The following TMBIM1 variants were observed in gnomAD, a reference collection of about 807,000 sequenced individuals.
The protein encoded by TMBIM1 is transmembrane BAX inhibitor motif containing 1.
TMBIM1 carries 34 observed loss-of-function variants against 45.1 expected under a neutral mutation model. That is an observed-to-expected ratio of 0.75 (90% CI 0.57 to 1.00). The LOEUF is 1.00. Among genes scored for constraint, TMBIM1 ranks in the 50% least tolerant of loss-of-function variants. The pLI is 0.00. For synonymous variants in TMBIM1, 157 were observed against 153.5 expected (o/e 1.02, Z -0.17); for missense variants, 374 against 402.4 (o/e 0.93, Z 0.60).
intron 1 of TMBIM1, among the ~76,000 whole-genome samples, chr2:218,287,790 G>T (rs960692731): frequency 1.3e-5 from 2 of 152,110 alleles, no homozygotes; most frequent in Admixed American, 6.5e-5. Context: ...AGCCAGGGTG[G>T]CCTCTCTCTG....
chr2:218,278,511 T>C lies in TMBIM1; in HGVS notation c.473+4A>G. ...TCTCACTGTGTTAAGTCTCTGGGAC[T>C]CACCTGGGTCCCTGGCAGCAGGCAA... On this transcript the variant is annotated splice_donor_region_variant and intron_variant, in intron 6 of 11. Transcript: ENST00000258412. The C allele has an allele frequency of 3.7e-6, 6 of 1,614,026 alleles. No homozygotes were observed. Among genetic ancestry groups the C allele is most frequent in the Non-Finnish European group, 5.1e-6 (6 of 1,179,902 alleles).
At chr2:218,282,239 C>T (rs1692098152) in intron 1 of TMBIM1, 58 bp from the exon 2 acceptor site, 3 of 1,018,384 alleles carry the variant, frequency 2.9e-6, no homozygotes, top group Admixed American at 3.8e-5. Flanking sequence ...CACTCAGCCT[C>T]ATGGGCCCAC....
chr2:218,275,451 C>G lies in TMBIM1; in HGVS notation c.*24G>C, dbSNP rs376693165. On this transcript the variant is annotated 3_prime_UTR_variant, in exon 12 of 12. Transcript: ENST00000258412. ...TAGCTTGGAAGGGAGAGCCCAGGATCGGGTGAAAATGGGGGCTTGCTCCTT... is the reference window on the plus strand; with the variant it reads ...TAGCTTGGAAGGGAGAGCCCAGGATGGGGTGAAAATGGGGGCTTGCTCCTT... 1.2e-6 allele frequency: 2 copies of G among 1,604,454 alleles called. No individual in the cohort carries two copies. Among genetic ancestry groups the G allele is most frequent in the African/African-American group, 1.3e-5 (1 of 74,862 alleles).
At chr2:218,277,490 A>C in intron 8 of TMBIM1, 37 bp from the exon 9 acceptor site, 1 of 1,611,652 alleles carries the variant, frequency 6.2e-7, no homozygotes, top group Non-Finnish European at 8.5e-7. Flanking sequence ...AGAGGCATTA[A>C]GCCACGTATG....
chr2:218,280,141 C>T lies in TMBIM1; in HGVS notation c.203-15G>A, dbSNP rs1691732833. ...ATGGCCTGGGCCTAGGGACAGATGA[C>T]ACTTGACTCAGCTGGGGACCTGAGA... On this transcript the variant is annotated splice_polypyrimidine_tract_variant and intron_variant, in intron 2 of 11. Transcript: ENST00000258412. 6.3e-7 allele frequency: 1 copy of T among 1,592,304 alleles called. No individual in the cohort carries two copies. Among genetic ancestry groups the T allele is most frequent in the African/African-American group, 1.3e-5 (1 of 74,502 alleles).
intron 1 of TMBIM1, among the ~76,000 whole-genome samples, chr2:218,283,841 G>A (rs568454635): frequency 1.5e-4 from 23 of 152,104 alleles, no homozygotes; most frequent in Non-Finnish European, 2.8e-4. Context: ...TAGAGGGGCT[G>A]GGATAGAACC....
At chr2:218,278,854 G>C (rs956851784) in intron 5 of TMBIM1, among the ~76,000 whole-genome samples, 184 bp downstream of exon 5, 1 of 152,196 alleles carries the variant, frequency 6.6e-6, no homozygotes, top group African/African-American at 2.4e-5. Context: ...TCTTGCTCTC[G>C]AGTTCTAGGG....
chr2:218,284,889 G>A (rs1394912997), intron 1 of TMBIM1, among the ~76,000 whole-genome samples: 5 of 152,176 alleles, frequency 3.3e-5, no homozygotes, highest in Non-Finnish European at 7.3e-5. Context: ...TCAGGAGTTC[G>A]AGACCAGCCT....
rs559333749 is a variant in TMBIM1, at chr2:218,275,232, C to T, written c.*243G>A. 3.2e-5 allele frequency: 13 copies of T among 405,700 alleles called. No individual in the cohort carries two copies. The highest frequency in any genetic ancestry group is 1.6e-4 in the African/African-American group (8 of 48,748). The allele number at this position is 405,700 out of a possible 1,614,324, so 25.1% of individuals were successfully genotyped here. ...TACAGTAGGTGGCGGGGAGAAGACA[C>T]ATCTTCAGCCTAGTCCCTGCCAAGC... is the stretch of plus-strand genomic sequence containing the variant. On this transcript the variant is annotated 3_prime_UTR_variant, in exon 12 of 12. Transcript: ENST00000258412.
intron 1 of TMBIM1, among the ~76,000 whole-genome samples, chr2:218,291,309 CAG>C (rs1000176624): frequency 3.4e-4 from 52 of 152,166 alleles, no homozygotes; most frequent in Admixed American, 3.3e-3. Context: ...ACTGGAGAGA[CAG>C]AGAGAGGAGG....
intron 1 of TMBIM1, chr2:218,284,168 GAA>G (rs71064427): frequency 4.7e-5 from 6 of 128,988 alleles, no homozygotes; most frequent in East Asian, 2.3e-4. Context: ...CATCTCAAAA[GAA>G]AAAAAAAAAA....
intron 2 of TMBIM1, chr2:218,280,516 C>T: frequency 3.7e-6 from 1 of 266,828 alleles, no homozygotes; most frequent in Non-Finnish European, 7.4e-6. Context: ...CGGCAGAGCG[C>T]AGTTTGTGCA....
chr2:218,291,549 C>T (rs115828714), intron 1 of TMBIM1, among the ~76,000 whole-genome samples: 46 of 152,200 alleles, frequency 3.0e-4, no homozygotes, highest in Non-Finnish European at 5.7e-4. Flanking sequence ...CCAGGGTGCT[C>T]AGGTAGAACC....
chr2:218,282,746 C>G (rs917033523), intron 1 of TMBIM1, among the ~76,000 whole-genome samples: 1 of 152,130 alleles, frequency 6.6e-6, no homozygotes. Flanking sequence ...TGCCAGGCCC[C>G]GAGGAGGAAG....
At chr2:218,277,756 A>G (rs1691380213) in intron 7 of TMBIM1, 86 bp from the exon 8 acceptor site, 3 of 1,584,722 alleles carry the variant, frequency 1.9e-6, no homozygotes, top group Middle Eastern at 1.7e-4. Flanking sequence ...GGCCTCTGCC[A>G]GAGCTGGGGA....
chr2:218,277,979 A>C lies in TMBIM1; in HGVS notation c.474-5T>G. ...ATGTTCCATGGGAAACGGCGTCTGA[A>C]GGGAAAGAGAAGCCTTGATTAAATG... is the stretch of plus-strand genomic sequence containing the variant. On this transcript the variant is annotated splice_region_variant and splice_polypyrimidine_tract_variant and intron_variant, in intron 6 of 11. Coordinates refer to ENST00000258412, the MANE Select transcript of TMBIM1 (RefSeq NM_022152.6). 1 of 1,614,160 alleles carries C rather than the reference A, an allele frequency of 6.2e-7. No individual in the cohort carries two copies. The highest frequency in any genetic ancestry group is 1.3e-5 in the African/African-American group (1 of 75,066).
chr2:218,282,006 C>G lies in TMBIM1; in HGVS notation c.136G>C (p.Gly46Arg). Reference protein sequence around the residue: ...YPAYPGYPQPGYGHPAGYPQP... With the variant: ...YPAYPGYPQPRYGHPAGYPQP... ...GGGTAGCCAGCAGGGTGACCGTAGC[C>G]AGGCTGCGGGTAGCCAGGGTAGGCA... Residue 46 changes from glycine (G) to arginine (R), a missense_variant, in exon 2 of 12, where the codon GGC becomes CGC. Gly to Arg is a moderately radical substitution (Grantham distance 125). Coordinates refer to ENST00000258412, the MANE Select transcript of TMBIM1 (RefSeq NM_022152.6). 6.2e-7 allele frequency: 1 copy of G among 1,607,606 alleles called. No homozygotes were observed. The highest frequency in any genetic ancestry group is 8.5e-7 in the Non-Finnish European group (1 of 1,178,064).
chr2:218,281,144 T>TG (rs1173145823), intron 2 of TMBIM1, among the ~76,000 whole-genome samples: 2 of 130,844 alleles, frequency 1.5e-5, no homozygotes, highest in Non-Finnish European at 3.4e-5. Context: ...TTTTTTGGTT[T>TG]TTTTTTTGAG....
At chr2:218,278,926 TGGG>T in intron 5 of TMBIM1, 109 bp downstream of exon 5, 1 of 1,269,964 alleles carries the variant, frequency 7.9e-7, no homozygotes, top group Non-Finnish European at 1.1e-6. Flanking sequence ...GGCACCAACT[TGGG>T]GGCCCTCTCA....
Sources: allele counts gnomAD v4.1 joint callset (sites outside exome capture counted in the v4.1 genomes callset), GRCh38; gene constraint gnomAD v4.1.1; transcripts MANE v1.5; gene names NCBI Gene and HGNC (gene_info 2026-07-23, HGNC 2026-07-21).